The following ABCA13 variants were observed in gnomAD, a reference collection of about 807,000 sequenced individuals.
ABCA13 encodes ATP-binding cassette sub-family A member 13.
Under a neutral mutation model 478.7 loss-of-function variants are expected in ABCA13, and 476 were observed. The ratio of observed to expected loss-of-function variants is 0.99; its 90% CI spans 0.92 to 1.07. The LOEUF is 1.07. Among genes scored for constraint, ABCA13 ranks in the 50% least tolerant of loss-of-function variants. The pLI, the probability that ABCA13 is intolerant of heterozygous loss-of-function variation, is 0.00. For synonymous variants in ABCA13, 2,252 were observed against 2,158.9 expected (o/e 1.04, Z -1.20); for missense variants, 6,060 against 5,910.6 (o/e 1.03, Z -0.83).
intron 47 of ABCA13, among the ~76,000 whole-genome samples, chr7:48,485,669 A>T (rs1829226246): frequency 6.6e-6 from 1 of 152,220 alleles, no homozygotes. Flanking sequence ...TATTGCCAAA[A>T]TGATGCTATG....
chr7:48,491,316 A>G (rs899209324), intron 48 of ABCA13, among the ~76,000 whole-genome samples: 20 of 152,228 alleles, frequency 1.3e-4, no homozygotes, highest in Non-Finnish European at 2.2e-4. Flanking sequence ...TGCACGGGTC[A>G]GACACAGGCT....
chr7:48,366,775 C>A (rs545216052), intron 31 of ABCA13, among the ~76,000 whole-genome samples: 1 of 152,072 alleles, frequency 6.6e-6, no homozygotes, highest in Admixed American at 6.5e-5. Flanking sequence ...ACCCCATAAC[C>A]CAAACACCTC....
At chr7:48,559,494 G>C (rs965547793) in intron 55 of ABCA13, among the ~76,000 whole-genome samples, 31 of 152,222 alleles carry the variant, frequency 2.0e-4, no homozygotes, top group Admixed American at 1.8e-3. Flanking sequence ...GATACCCTAA[G>C]AGCTCACTCA....
chr7:48,277,974 A>G, intron 17 of ABCA13, 120 bp from the exon 18 acceptor site: 1 of 304,082 alleles, frequency 3.3e-6, no homozygotes, highest in Non-Finnish European at 5.7e-6. Context: ...GCTCAGTATT[A>G]TCTTCCCATG....
At chr7:48,607,588 T>C (rs1355327128) in intron 58 of ABCA13, among the ~76,000 whole-genome samples, 1 of 152,210 alleles carries the variant, frequency 6.6e-6, no homozygotes, top group African/African-American at 2.4e-5. Context: ...CTTCTAAATC[T>C]AGCATCTGAG....
chr7:48,393,250 G>T (rs1432549222), intron 38 of ABCA13, among the ~76,000 whole-genome samples: 1 of 152,190 alleles, frequency 6.6e-6, no homozygotes, highest in Non-Finnish European at 1.5e-5. Context: ...TGGGGTCATC[G>T]ATTCAGCAAA....
At chr7:48,428,354 T>C (rs1244875658) in intron 42 of ABCA13, among the ~76,000 whole-genome samples, 1 of 152,102 alleles carries the variant, frequency 6.6e-6, no homozygotes, top group African/African-American at 2.4e-5. Context: ...CAGCCTCCTT[T>C]ATAGGCTTTA....
chr7:48,459,699 T>A (rs1240026038), intron 43 of ABCA13, among the ~76,000 whole-genome samples: 1 of 152,210 alleles, frequency 6.6e-6, no homozygotes, highest in Non-Finnish European at 1.5e-5. Flanking sequence ...CTTTAGTTCC[T>A]GCCAACATGT....
In ABCA13 at chr7:48,563,159, G is replaced by T. The variant is rs117885336; in HGVS notation, c.14355-17065G>T. ...CAAGGTGTGTCAAAGTCACTGAAAG[G>T]TATAGTTTTCCCCAGTCATGCAGCA... On this transcript the variant is annotated intron_variant, in intron 55 of 61. Transcript: ENST00000435803. 9.2e-3 allele frequency among the ~76,000 whole-genome samples: 1,394 copies of T among 152,254 alleles called. 4 individuals are homozygous for T. Among genetic ancestry groups the T allele is most frequent in the Non-Finnish European group, 0.015 (1,015 of 68,006 alleles).
intron 43 of ABCA13, among the ~76,000 whole-genome samples, chr7:48,465,662 A>G (rs1479881822): frequency 6.6e-6 from 1 of 151,932 alleles, no homozygotes; most frequent in African/African-American, 2.4e-5. Flanking sequence ...TAGGATATCT[A>G]TCACCTCAAA....
chr7:48,541,439 G>A (rs1347395811), intron 55 of ABCA13, among the ~76,000 whole-genome samples: 1 of 151,970 alleles, frequency 6.6e-6, no homozygotes, highest in Non-Finnish European at 1.5e-5. Flanking sequence ...CTTATTCGCC[G>A]AGTATTAAGT....
At chr7:48,527,568 G>T (rs965302405) in intron 54 of ABCA13, among the ~76,000 whole-genome samples, 1 of 152,144 alleles carries the variant, frequency 6.6e-6, no homozygotes, top group Admixed American at 6.5e-5. Context: ...ACAGCAAGAA[G>T]GCCATTTTTC....
At chr7:48,491,473 C>T (rs1330422085) in intron 48 of ABCA13, among the ~76,000 whole-genome samples, 1 of 152,084 alleles carries the variant, frequency 6.6e-6, no homozygotes, top group Non-Finnish European at 1.5e-5. Context: ...CAGGGTCATC[C>T]AGAAGAAGTA....
At chr7:48,636,740 C>T (rs554579119) in intron 59 of ABCA13, among the ~76,000 whole-genome samples, 11 of 152,256 alleles carry the variant, frequency 7.2e-5, no homozygotes, top group Admixed American at 5.2e-4. Context: ...CTGGGCTGTC[C>T]GTCCACCTGG....
At chr7:48,326,556 A>T (rs575002790) in intron 27 of ABCA13, among the ~76,000 whole-genome samples, 1 of 152,356 alleles carries the variant, frequency 6.6e-6, no homozygotes, top group African/African-American at 2.4e-5. Context: ...TTTATGCCTT[A>T]TACCTACAAT....
At chr7:48,346,373 G>T (rs959095115) in intron 29 of ABCA13, among the ~76,000 whole-genome samples, 2 of 151,960 alleles carry the variant, frequency 1.3e-5, no homozygotes, top group Non-Finnish European at 2.9e-5. Context: ...CAGTTAAATT[G>T]TTTAACCACG....
intron 10 of ABCA13, among the ~76,000 whole-genome samples, chr7:48,243,468 G>A (rs1264873776): frequency 1.3e-5 from 2 of 152,224 alleles, no homozygotes; most frequent in Non-Finnish European, 2.9e-5. Flanking sequence ...GGTGTCAGGA[G>A]TCTGGTCAGC....
rs1001180788 is a variant in ABCA13 at position 48,373,483 on chromosome 7, T to G, written c.11134-864T>G. ...TAGCCATATGCTCACAACAAAGATA[T>G]ACATACAGAATGAAAAAGTGGTTAT... On this transcript the variant is annotated intron_variant, in intron 33 of 61. Coordinates refer to ENST00000435803, the MANE Select transcript of ABCA13 (RefSeq NM_152701.5). 2.0e-5 allele frequency among the ~76,000 whole-genome samples: 3 copies of G among 152,356 alleles called. No homozygotes were observed. In the East Asian group the frequency reaches 5.8e-4, roughly 29 times the overall value.
chr7:48,240,227 A>G (rs1790615339), intron 9 of ABCA13, among the ~76,000 whole-genome samples: 1 of 152,246 alleles, frequency 6.6e-6, no homozygotes. Context: ...ATCCGGCACT[A>G]AAATAATCAA....
Sources: allele counts gnomAD v4.1 joint callset (sites outside exome capture counted in the v4.1 genomes callset), GRCh38; gene constraint gnomAD v4.1.1; transcripts MANE v1.5; gene names NCBI Gene and HGNC (gene_info 2026-07-23, HGNC 2026-07-21).